The following DENND1B variants were observed in gnomAD, a reference collection of about 807,000 sequenced individuals.
DENND1B encodes DENN domain containing 1B.
DENND1B carries 59 observed loss-of-function variants against 90.1 expected under a neutral mutation model. That is an observed-to-expected ratio of 0.65 (90% confidence interval 0.53 to 0.81). The LOEUF (loss-of-function observed/expected upper bound fraction) is 0.81. Among genes scored for constraint, DENND1B ranks in the 40% least tolerant of loss-of-function variants. The pLI is 0.00. For missense variants in DENND1B, 862 were observed against 912.6 expected, an observed-to-expected ratio of 0.94 and a Z score of 0.71; for synonymous variants, 337 against 324.6, an observed-to-expected ratio of 1.04 and a Z score of -0.41.
intron 2 of DENND1B, among the ~76,000 whole-genome samples, chr1:197,744,695 G>C (rs1050872523): frequency 1.3e-5 from 2 of 152,206 alleles, no homozygotes; most frequent in Non-Finnish European, 2.9e-5. Flanking sequence ...CAAGTCACTA[G>C]CTACATTAGC....
chr1:197,777,655 T>G (rs1467484429), upstream of DENND1B, among the ~76,000 whole-genome samples: 1 of 152,164 alleles, frequency 6.6e-6, no homozygotes, highest in Non-Finnish European at 1.5e-5. Context: ...CAAATTAGTC[T>G]TAAATCTTCC....
intron 16 of DENND1B, among the ~76,000 whole-genome samples, chr1:197,547,876 G>A (rs1055180752): frequency 7.2e-5 from 11 of 152,068 alleles, no homozygotes; most frequent in Non-Finnish European, 1.5e-4. Flanking sequence ...ATTCATATAT[G>A]TTTCTGTATT....
intron 3 of DENND1B, among the ~76,000 whole-genome samples, chr1:197,684,898 C>T (rs1048209755): frequency 6.6e-6 from 1 of 152,058 alleles, no homozygotes; most frequent in Admixed American, 6.6e-5. Flanking sequence ...GCAGGTGAAT[C>T]ACGAGGTCAA....
chr1:197,724,949 G>C (rs1312809417), intron 2 of DENND1B, among the ~76,000 whole-genome samples: 1 of 151,704 alleles, frequency 6.6e-6, no homozygotes, highest in African/African-American at 2.4e-5. Flanking sequence ...TGAGAAAAGA[G>C]GTTAAGAAAA....
intron 15 of DENND1B, among the ~76,000 whole-genome samples, chr1:197,553,509 A>C (rs1297943269): frequency 6.6e-6 from 1 of 152,144 alleles, no homozygotes; most frequent in African/African-American, 2.4e-5. Context: ...TGTCTTCCCC[A>C]GCCAGGCCTG....
At chr1:197,675,863 A>T (rs896627925) in intron 3 of DENND1B, among the ~76,000 whole-genome samples, 1 of 152,080 alleles carries the variant, frequency 6.6e-6, no homozygotes, top group Non-Finnish European at 1.5e-5. Context: ...ATCAATTTTA[A>T]GACTCAAGAC....
In DENND1B at chr1:197,583,223, A is replaced by T; in HGVS notation, c.1078T>A (p.Phe360Ile). ...GEPITFCEES[F>I]VKHRSSVMKQ... is the part of the protein sequence containing the mutation. ...ATCACGCTTGAGCGGTGCTTTACAA[A>T]ACTCTCCTCACAGAAAGTGATGGGC... The change falls in exon 15 of 23, where the codon TTT becomes ATT. Residue 360 changes from phenylalanine (F) to isoleucine (I), a missense_variant. By Grantham distance (21) the Phe-to-Ile change is conservative (BLOSUM62 0). Transcript: ENST00000620048. The T allele has an allele frequency of 6.2e-7, 1 of 1,613,852 alleles. No homozygotes were observed.
chr1:197,725,141 A>C (rs997920514), intron 2 of DENND1B, among the ~76,000 whole-genome samples: 1 of 152,178 alleles, frequency 6.6e-6, no homozygotes, highest in African/African-American at 2.4e-5. Flanking sequence ...CAAGATCTCA[A>C]GACAGACATG....
intron 10 of DENND1B, among the ~76,000 whole-genome samples, chr1:197,625,476 C>T (rs1006104921): frequency 6.6e-6 from 1 of 151,888 alleles, no homozygotes; most frequent in African/African-American, 2.4e-5. Flanking sequence ...AGAGATTTCG[C>T]CACCACCAGG....
At chr1:197,734,846 T>C in intron 2 of DENND1B, 1 of 984,866 alleles carries the variant, frequency 1.0e-6, no homozygotes, top group Non-Finnish European at 1.2e-6. Context: ...ATACATTTAT[T>C]CATAAGGGGG....
intron 17 of DENND1B, 48 bp from the exon 18 acceptor site, chr1:197,546,038 T>C (rs1460634373): frequency 6.7e-7 from 1 of 1,499,738 alleles, no homozygotes; most frequent in African/African-American, 1.4e-5. Flanking sequence ...TTAGCTAAAA[T>C]ATCCTGAAAA....
chr1:197,581,896 C>A (rs895654559), intron 15 of DENND1B, among the ~76,000 whole-genome samples: 2 of 152,154 alleles, frequency 1.3e-5, no homozygotes, highest in Non-Finnish European at 2.9e-5. Flanking sequence ...ATATTTTACT[C>A]AACAAGCATG....
chr1:197,720,388 C>G (rs1288465852), intron 2 of DENND1B, among the ~76,000 whole-genome samples: 1 of 151,968 alleles, frequency 6.6e-6, no homozygotes, highest in Admixed American at 6.6e-5. Flanking sequence ...TAGGCATGCA[C>G]CACCATGCCC....
At chr1:197,514,373 C>CT (rs1294925297) in intron 20 of DENND1B, among the ~76,000 whole-genome samples, 3 of 151,298 alleles carry the variant, frequency 2.0e-5, no homozygotes, top group Non-Finnish European at 3.0e-5. Context: ...TCATGAGGGT[C>CT]TTTTTTTTAA....
intron 6 of DENND1B, among the ~76,000 whole-genome samples, chr1:197,654,749 A>G (rs1653627790): frequency 1.3e-5 from 2 of 152,180 alleles, no homozygotes; most frequent in South Asian, 4.1e-4. Context: ...TAAGGTGACT[A>G]TACTCACCTT....
intron 3 of DENND1B, among the ~76,000 whole-genome samples, chr1:197,687,915 C>T (rs931617790): frequency 1.3e-5 from 2 of 151,752 alleles, no homozygotes; most frequent in Admixed American, 1.3e-4. Flanking sequence ...TGTAGAAAAC[C>T]CTAAAGAGTG....
At chr1:197,537,862 A>G (rs923767311) in intron 20 of DENND1B, among the ~76,000 whole-genome samples, 3 of 152,016 alleles carry the variant, frequency 2.0e-5, no homozygotes, top group African/African-American at 7.2e-5. Flanking sequence ...TGTACATTTT[A>G]AAATTGCTAA....
At chr1:197,770,800 A>AT (rs1656456282) in intron 2 of DENND1B, among the ~76,000 whole-genome samples, 1 of 140,240 alleles carries the variant, frequency 7.1e-6, no homozygotes, top group South Asian at 2.1e-4. Context: ...ATATCTATAA[A>AT]TATATATATA....
chr1:197,721,378 C>T (rs1336296001), intron 2 of DENND1B, among the ~76,000 whole-genome samples: 1 of 152,020 alleles, frequency 6.6e-6, no homozygotes, highest in African/African-American at 2.4e-5. Flanking sequence ...CGAGAAACTG[C>T]ATTTCTAAAA....
Sources: gnomAD v4.1 joint callset for allele counts (sites outside exome capture counted in the v4.1 genomes callset) on GRCh38, gnomAD v4.1.1 for gene constraint, MANE v1.5 for transcripts, NCBI Gene and HGNC (gene_info 2026-07-23, HGNC 2026-07-21) for gene names.